The following GRAMD2A variants were observed in gnomAD, a reference collection of about 807,000 sequenced individuals.
GRAMD2A encodes the protein GRAM domain containing 2A, also known as GRAM domain-containing protein 2A.
A neutral mutation model predicts 51.1 loss-of-function variants in GRAMD2A; 37 were observed. The ratio of observed to expected loss-of-function variants is 0.72; its 90% CI spans 0.56 to 0.95. GRAMD2A has a LOEUF of 0.95. GRAMD2A is among the 40% of genes least tolerant of loss of function. The pLI, the probability that GRAMD2A is intolerant of heterozygous loss-of-function variation, is 0.00. For synonymous variants in GRAMD2A, 136 were observed against 157.1 expected (o/e 0.87, Z 1.01); for missense variants, 414 against 426.9 (o/e 0.97, Z 0.27).
intron 1 of GRAMD2A, among the ~76,000 whole-genome samples, chr15:72,172,867 T>G (rs1278950429): frequency 6.6e-6 from 1 of 152,222 alleles, no homozygotes; most frequent in African/African-American, 2.4e-5. Context: ...TCCATCTATT[T>G]CTTCCATGTA....
At chr15:72,180,019 T>C (rs73436377) in intron 1 of GRAMD2A, among the ~76,000 whole-genome samples, 3,520 of 152,248 alleles carry the variant, frequency 0.023, 130 homozygotes, top group African/African-American at 0.082. Flanking sequence ...CAACTTCAGC[T>C]CAGGCCCAGC....
In GRAMD2A at chr15:72,174,698, T is replaced by G. The variant is rs547277196; in HGVS notation, c.42-4759A>C. On this transcript the variant is annotated intron_variant, in intron 1 of 11. Coordinates refer to ENST00000309731, the MANE Select transcript of GRAMD2A (RefSeq NM_001012642.3). ...GGTGTCTGCCTGCTCTCCAGCCCCA[T>G]GCAGCAAAAAATACTCCCTGAGCTT... 8.7e-4 allele frequency among the ~76,000 whole-genome samples: 132 copies of G among 152,164 alleles called. No individual in the cohort carries two copies. The South Asian group carries it at 0.01, about 12-fold the overall frequency.
intron 1 of GRAMD2A, among the ~76,000 whole-genome samples, chr15:72,191,013 G>T (rs2081764274): frequency 6.6e-6 from 1 of 152,130 alleles, no homozygotes; most frequent in Non-Finnish European, 1.5e-5. Flanking sequence ...AATAAGAATG[G>T]ATTAAAACAC....
Position 72,167,850 on chromosome 15 carries a change from A to C in GRAMD2A, c.269-11T>G. 3.1e-6 allele frequency: 5 copies of C among 1,602,938 alleles called. No individual in the cohort carries two copies. The highest frequency in any genetic ancestry group is 4.3e-6 in the Non-Finnish European group (5 of 1,169,934). On this transcript the variant is annotated splice_polypyrimidine_tract_variant and intron_variant, in intron 4 of 11. Transcript: ENST00000309731. ...GGGCACAGGAACACACTAGGATGTC[A>C]CAGGAGAGAAAATGGCCATAAGCAA...
chr15:72,192,185 G>A (rs2081772664), intron 1 of GRAMD2A, among the ~76,000 whole-genome samples: 1 of 152,178 alleles, frequency 6.6e-6, no homozygotes, highest in African/African-American at 2.4e-5. Context: ...CTTTACCCAT[G>A]ACTTGATTAT....
intron 1 of GRAMD2A, among the ~76,000 whole-genome samples, chr15:72,192,824 T>G (rs2081777734): frequency 6.6e-6 from 1 of 152,198 alleles, no homozygotes; most frequent in African/African-American, 2.4e-5. Context: ...ATGACAAGGC[T>G]TTAAAGATTG....
At position 72,169,815 on chromosome 15, in the gene GRAMD2A, TG is replaced by T. The variant is rs755426693; in HGVS notation, c.134+31del. 9 of 1,522,214 alleles carry T rather than the reference TG, an allele frequency of 5.9e-6. No individual in the cohort carries two copies. The Admixed American group carries it at 1.5e-4, about 25-fold the overall frequency. 94.3% of individuals were successfully genotyped at this position (1,522,214 alleles called of 1,614,324 possible). A position where few individuals can be genotyped will look rare whatever the true frequency, so the allele number is the denominator to read the frequency against. On this transcript the variant is annotated intron_variant, in intron 2 of 11. Transcript: ENST00000309731. Reference sequence around the variant, plus strand: ...TGAGGGCTTCCCACCCTCTAGTCTGTGTGTATCTATGACTGGGAAAGGGGTC... The same window carrying T: ...TGAGGGCTTCCCACCCTCTAGTCTGTTGTATCTATGACTGGGAAAGGGGTC...
chr15:72,179,390 A>G (rs559396449), intron 1 of GRAMD2A, among the ~76,000 whole-genome samples: 1 of 152,358 alleles, frequency 6.6e-6, no homozygotes, highest in South Asian at 2.1e-4. Flanking sequence ...GGAGGTATGC[A>G]GCCAGGAGGG....
intron 1 of GRAMD2A, 23 bp downstream of exon 1, chr15:72,197,708 G>C: frequency 7.6e-7 from 1 of 1,308,854 alleles, no homozygotes; most frequent in South Asian, 2.0e-5. Flanking sequence ...CCCGAGACCG[G>C]CCCCCGGGCC....
chr15:72,186,929 C>A (rs548403885), intron 1 of GRAMD2A, among the ~76,000 whole-genome samples: 1 of 151,414 alleles, frequency 6.6e-6, no homozygotes, highest in African/African-American at 2.4e-5. Flanking sequence ...GGTGGATCAC[C>A]TGAGCTCAGG....
chr15:72,176,854 C>CT (rs60618044), intron 1 of GRAMD2A, among the ~76,000 whole-genome samples: 1,496 of 72,144 alleles, frequency 0.021, 72 homozygotes, highest in African/African-American at 0.064. Flanking sequence ...ACCTGCAGTG[C>CT]TTTTTTTTTT....
At chr15:72,169,721 C>T in intron 2 of GRAMD2A, 126 bp downstream of exon 2, 1 of 752,842 alleles carries the variant, frequency 1.3e-6, no homozygotes, top group Non-Finnish European at 2.4e-6. Flanking sequence ...GCAGCCTGTG[C>T]CTGACCTCAC....
chr15:72,193,627 A>G (rs1387653008), intron 1 of GRAMD2A, among the ~76,000 whole-genome samples: 1 of 151,734 alleles, frequency 6.6e-6, no homozygotes. Flanking sequence ...GGTTCACGCC[A>G]GTCTCCTGCC....
At chr15:72,175,296 G>A (rs2081644976) in intron 1 of GRAMD2A, among the ~76,000 whole-genome samples, 1 of 152,134 alleles carries the variant, frequency 6.6e-6, no homozygotes, top group Non-Finnish European at 1.5e-5. Context: ...CTCCGGCTGT[G>A]CGGGTACACA....
chr15:72,197,686 G>A, intron 1 of GRAMD2A, 45 bp downstream of exon 1: 2 of 1,269,084 alleles, frequency 1.6e-6, no homozygotes, highest in South Asian at 2.4e-5. Context: ...CCTCGCGGCG[G>A]CCTCCGGAAC....
chr15:72,173,177 G>A (rs2081626588), intron 1 of GRAMD2A, among the ~76,000 whole-genome samples: 1 of 152,170 alleles, frequency 6.6e-6, no homozygotes, highest in Non-Finnish European at 1.5e-5. Context: ...ACAGATCCCT[G>A]GGAACTGAAA....
At position 72,162,366 on chromosome 15, in the gene GRAMD2A, A is replaced by T. The variant is rs767151925; in HGVS notation, c.968T>A (p.Leu323Gln). 1.2e-6 allele frequency: 2 copies of T among 1,612,874 alleles called. No homozygotes were observed. Among genetic ancestry groups the T allele is most frequent in the Admixed American group, 1.7e-5 (1 of 59,972 alleles). ...CGCCAGGTAGGATGAGGACATGACC[A>T]GGAAGCAGATCCTGAAGAAAGCGGC... Reference protein sequence around the residue: ...LKVFFVLICFLVMSSSYLAFR... With the variant: ...LKVFFVLICFQVMSSSYLAFR... Residue 323 changes from leucine to glutamine, a missense_variant, in exon 11 of 12, where the codon CTG (leucine) becomes CAG (glutamine). Leu to Gln is a moderately radical substitution (Grantham distance 113). Coordinates refer to ENST00000309731, the MANE Select transcript of GRAMD2A (RefSeq NM_001012642.3).
At chr15:72,185,473 C>A (rs1039998708) in intron 1 of GRAMD2A, among the ~76,000 whole-genome samples, 1 of 152,240 alleles carries the variant, frequency 6.6e-6, no homozygotes, top group Admixed American at 6.5e-5. Context: ...GGATTACAGG[C>A]ATAAGCCACC....
intron 1 of GRAMD2A, among the ~76,000 whole-genome samples, chr15:72,177,870 G>A (rs375397393): frequency 8.5e-5 from 13 of 152,320 alleles, no homozygotes; most frequent in African/African-American, 3.1e-4. Flanking sequence ...TGGGATTACA[G>A]GCGTGTGCCA....
Sources: allele counts gnomAD v4.1 joint callset (sites outside exome capture counted in the v4.1 genomes callset), GRCh38; gene constraint gnomAD v4.1.1; transcripts MANE v1.5; gene names NCBI Gene and HGNC (gene_info 2026-07-23, HGNC 2026-07-21).